The following EPHA5 variants were observed in gnomAD, a reference collection of about 807,000 sequenced individuals.
The protein encoded by EPHA5 is ephrin type-A receptor 5.
A neutral mutation model predicts 105.0 loss-of-function variants in EPHA5; 60 were observed. The observed-to-expected ratio is 0.57, with a 90% CI of 0.46 to 0.71. The LOEUF is 0.71. Ranked by LOEUF, EPHA5 falls within the 30% of genes least tolerant of loss-of-function variation. EPHA5 has a pLI of 0.00. For synonymous variants in EPHA5, 513 were observed against 449.1 expected (o/e 1.14, Z -1.80); for missense variants, 1,218 against 1,274.7 (o/e 0.96, Z 0.68).
intron 11 of EPHA5, among the ~76,000 whole-genome samples, chr4:65,354,822 G>A (rs552085116): frequency 2.5e-4 from 38 of 151,788 alleles, no homozygotes; most frequent in South Asian, 1.0e-3. Flanking sequence ...AAAACTCACC[G>A]TTTATAATAA....
At chr4:65,470,424 T>C (rs1028885419) in intron 5 of EPHA5, among the ~76,000 whole-genome samples, 8 of 152,142 alleles carry the variant, frequency 5.3e-5, no homozygotes, top group Non-Finnish European at 1.0e-4. Flanking sequence ...ACTCCTGGCC[T>C]CAAGTGATCC....
In EPHA5 at chr4:65,537,757, T is replaced by A. The variant is rs184243306; in HGVS notation, c.911-42214A>T. ...TATTCCTTAACAGTTTATTTTAAAA[T>A]TTTTTAAATAATACAATTTCTAAGA... On this transcript the variant is annotated intron_variant, in intron 3 of 16. Transcript: ENST00000613740. 2.4e-3 allele frequency among the ~76,000 whole-genome samples: 369 copies of A among 151,868 alleles called. 11 individuals are homozygous for A. The highest frequency in any genetic ancestry group is 0.023 in the Admixed American group (353 of 15,190).
chr4:65,583,589 A>T (rs1741848705), intron 3 of EPHA5, among the ~76,000 whole-genome samples: 1 of 151,818 alleles, frequency 6.6e-6, no homozygotes, highest in East Asian at 1.9e-4. Flanking sequence ...TAAAAGACTG[A>T]TTGCAATGAT....
intron 7 of EPHA5, 80 bp downstream of exon 7, chr4:65,414,204 C>A (rs2149017799): frequency 8.0e-7 from 1 of 1,256,588 alleles, no homozygotes; most frequent in Non-Finnish European, 1.2e-6. Flanking sequence ...GACAGAGTGC[C>A]CAGGGAGGGT....
At chr4:65,422,764 G>A (rs113883564) in intron 5 of EPHA5, among the ~76,000 whole-genome samples, 1 of 151,976 alleles carries the variant, frequency 6.6e-6, no homozygotes, top group Non-Finnish European at 1.5e-5. Flanking sequence ...ATTATGAACT[G>A]ATTGCCTTGT....
chr4:65,523,637 C>T (rs911144231), intron 3 of EPHA5, among the ~76,000 whole-genome samples: 1 of 151,950 alleles, frequency 6.6e-6, no homozygotes, highest in African/African-American at 2.4e-5. Context: ...TATAGAATCT[C>T]TCACATATCA....
chr4:65,513,768 T>C (rs942580632), intron 3 of EPHA5, among the ~76,000 whole-genome samples: 115 of 152,298 alleles, frequency 7.6e-4, no homozygotes, highest in African/African-American at 2.6e-3. Context: ...TTTTTATATT[T>C]ATCTTATTTA....
intron 3 of EPHA5, among the ~76,000 whole-genome samples, chr4:65,534,911 C>T (rs1324058926): frequency 6.6e-6 from 1 of 152,076 alleles, no homozygotes; most frequent in Non-Finnish European, 1.5e-5. Flanking sequence ...GAAAGTTTGT[C>T]CGTAGTTCTG....
At chr4:65,540,490 A>G (rs1736711090) in intron 3 of EPHA5, among the ~76,000 whole-genome samples, 1 of 151,422 alleles carries the variant, frequency 6.6e-6, no homozygotes, top group Non-Finnish European at 1.5e-5. Flanking sequence ...TATGTTGACA[A>G]TCTGAAAAAT....
intron 1 of EPHA5, among the ~76,000 whole-genome samples, chr4:65,653,338 T>C (rs1180803786): frequency 1.3e-5 from 2 of 152,114 alleles, no homozygotes; most frequent in African/African-American, 4.8e-5. Flanking sequence ...AAATTTAATA[T>C]TAATGTAAAC....
intron 3 of EPHA5, among the ~76,000 whole-genome samples, chr4:65,570,340 C>T (rs1739993245): frequency 6.6e-6 from 1 of 151,726 alleles, no homozygotes; most frequent in Non-Finnish European, 1.5e-5. Context: ...AGGCACTATT[C>T]CAAGTTAAGA....
chr4:65,475,268 A>G (rs1729682507), intron 5 of EPHA5, among the ~76,000 whole-genome samples: 2 of 152,190 alleles, frequency 1.3e-5, no homozygotes, highest in African/African-American at 4.8e-5. Flanking sequence ...AAAATGTTCA[A>G]TTGAGTATAA....
intron 5 of EPHA5, among the ~76,000 whole-genome samples, chr4:65,486,464 C>T (rs971297197): frequency 9.9e-5 from 15 of 152,160 alleles, no homozygotes; most frequent in Non-Finnish European, 1.5e-5. Flanking sequence ...GGATGCATTT[C>T]CTGTACCCCT....
At chr4:65,562,702 A>G (rs1396031418) in intron 3 of EPHA5, among the ~76,000 whole-genome samples, 10 of 152,212 alleles carry the variant, frequency 6.6e-5, no homozygotes. Flanking sequence ...TCAAAAGGCA[A>G]GATTATTGTA....
At chr4:65,622,616 T>C (rs1745800615) in intron 2 of EPHA5, among the ~76,000 whole-genome samples, 1 of 152,112 alleles carries the variant, frequency 6.6e-6, no homozygotes, top group South Asian at 2.1e-4. Flanking sequence ...AGGGAATATA[T>C]GCCAATTTTT....
intron 5 of EPHA5, among the ~76,000 whole-genome samples, chr4:65,444,380 T>C (rs982655272): frequency 3.9e-5 from 6 of 152,182 alleles, no homozygotes; most frequent in African/African-American, 1.4e-4. Context: ...CAAGTCACTT[T>C]CATTTGAATA....
At chr4:65,359,533 T>C (rs1371694296) in intron 11 of EPHA5, among the ~76,000 whole-genome samples, 1 of 151,556 alleles carries the variant, frequency 6.6e-6, no homozygotes, top group African/African-American at 2.4e-5. Context: ...CCTCATAAGC[T>C]TTTCTCCATA....
intron 1 of EPHA5, among the ~76,000 whole-genome samples, chr4:65,660,178 A>C (rs190630035): frequency 5.3e-5 from 8 of 152,216 alleles, no homozygotes; most frequent in Non-Finnish European, 8.8e-5. Flanking sequence ...AAAATTTTTT[A>C]AAAAAATTCT....
chr4:65,661,517 T>C (rs1405442353), intron 1 of EPHA5, among the ~76,000 whole-genome samples: 2 of 152,148 alleles, frequency 1.3e-5, no homozygotes. Context: ...TGTATCCCCC[T>C]TCTTAGGACA....
Sources: allele counts gnomAD v4.1 joint callset (sites outside exome capture counted in the v4.1 genomes callset), GRCh38; gene constraint gnomAD v4.1.1; transcripts MANE v1.5; gene names NCBI Gene and HGNC (gene_info 2026-07-23, HGNC 2026-07-21).